Variants in SPTBN2 observed in about 807,000 individuals in gnomAD.
SPTBN2 encodes spectrin beta, non-erythrocytic 2, also known as spectrin beta chain, non-erythrocytic 2.
A neutral mutation model predicts 284.2 loss-of-function variants in SPTBN2; 107 were observed. The observed-to-expected ratio is 0.38, with a 90% CI of 0.32 to 0.44. The LOEUF is 0.44. SPTBN2 is among the 20% of genes least tolerant of loss of function. The pLI is 1.00. For missense variants in SPTBN2, 2,569 were observed against 3,287.1 expected, an observed-to-expected ratio of 0.78 and a Z score of 5.34; for synonymous variants, 1,289 against 1,354.8, an observed-to-expected ratio of 0.95 and a Z score of 1.07.
chr11:66,690,385 C>G (rs1452761975), intron 27 of SPTBN2, 102 bp from the exon 28 acceptor site: 1 of 1,432,890 alleles, frequency 7.0e-7, no homozygotes, highest in Non-Finnish European at 9.2e-7. Context: ...TGTCTCACAG[C>G]CAAAGAAGCA....
Position 66,683,205 on chromosome 11 carries a change from C to A in SPTBN2, c.*2666G>T, listed in dbSNP as rs1210096394. Among the ~76,000 whole-genome samples the A allele has an allele frequency of 6.6e-6, 1 of 150,414 alleles. No homozygotes were observed. Among genetic ancestry groups the A allele is most frequent in the African/African-American group, 2.4e-5 (1 of 41,020 alleles). ...GCCTCAGCCTCCCAAGTAGCTGGGA[C>A]TACAGGCGCCCGCCACTACGCCCGG... On this transcript the variant is annotated 3_prime_UTR_variant, in exon 38 of 38. Transcript: ENST00000533211.
intron 1 of SPTBN2, among the ~76,000 whole-genome samples, chr11:66,741,205 G>A (rs577775684): frequency 9.9e-5 from 15 of 152,266 alleles, no homozygotes; most frequent in South Asian, 4.1e-4. Flanking sequence ...GGGACCAGGC[G>A]GAGATAATTC....
intron 21 of SPTBN2, among the ~76,000 whole-genome samples, chr11:66,695,398 G>A (rs1196268812): frequency 6.6e-6 from 1 of 152,124 alleles, no homozygotes. Flanking sequence ...TGGGACTACA[G>A]GCACACACCA....
At chr11:66,688,992 G>C (rs976582012) in intron 30 of SPTBN2, 104 bp downstream of exon 30, 3 of 1,458,146 alleles carry the variant, frequency 2.1e-6, no homozygotes, top group Non-Finnish European at 2.8e-6. Context: ...ATTGGGCATC[G>C]TGAGTTTCAC....
At chr11:66,698,015 T>C (rs1171746041) in intron 20 of SPTBN2, among the ~76,000 whole-genome samples, 1 of 152,202 alleles carries the variant, frequency 6.6e-6, no homozygotes, top group Non-Finnish European at 1.5e-5. Context: ...ACGTACCATG[T>C]TCTGTAGGGA....
rs1046622521 is a variant in SPTBN2, at chr11:66,715,424, G to A, written c.310-29C>T. ...TGGAGGGACGGGGGCAAAATGGCAC[G>A]GGACTGTGGGCTTCCACCTTCTTCC... On this transcript the variant is annotated intron_variant, in intron 4 of 37. Transcript: ENST00000533211. The surrounding 1 kb of genome is among the most constrained non-coding windows in gnomAD (Gnocchi z 5.3). 8 of 1,592,412 alleles carry A rather than the reference G, an allele frequency of 5.0e-6. No homozygotes were observed. The Admixed American group carries it at 5.1e-5, about 10-fold the overall frequency.
intron 8 of SPTBN2, among the ~76,000 whole-genome samples, chr11:66,711,903 G>C (rs1014582542): frequency 6.6e-6 from 1 of 152,230 alleles, no homozygotes; most frequent in South Asian, 2.1e-4. Context: ...AAAAGGCCCA[G>C]GTGATAGGGC....
At position 66,718,786 on chromosome 11, in the gene SPTBN2, G is replaced by A. The variant is rs370405859; in HGVS notation, c.157+2298C>T. Among the ~76,000 whole-genome samples the A allele has an allele frequency of 6.6e-4, 101 of 152,344 alleles. 1 individual carries two copies. In the South Asian group the frequency reaches 0.019, roughly 29 times the overall value. ...GGCAAAAAGAGTTACGGGGTGTCCC[G>A]AACTCCTGAGACAGAGAGTGGGGGC... On this transcript the variant is annotated intron_variant, in intron 3 of 37. Coordinates refer to ENST00000533211, the MANE Select transcript of SPTBN2 (RefSeq NM_006946.4). The surrounding 1 kb of genome is among the most constrained non-coding windows in gnomAD (Gnocchi z 4.8).
upstream of SPTBN2, among the ~76,000 whole-genome samples, chr11:66,731,163 G>A (rs182907264): frequency 6.6e-6 from 1 of 152,268 alleles, no homozygotes; most frequent in Admixed American, 6.5e-5. Flanking sequence ...CACTTAATCA[G>A]TATCAGCCGT....
intron 36 of SPTBN2, chr11:66,686,668 G>A (rs1458484878): frequency 1.1e-5 from 7 of 639,884 alleles, no homozygotes; most frequent in Non-Finnish European, 1.9e-5. Context: ...CCCCAGCCCG[G>A]GCCTCCTGCT....
intron 18 of SPTBN2, 54 bp downstream of exon 18, chr11:66,699,352 T>C: frequency 6.2e-7 from 1 of 1,600,214 alleles, no homozygotes; most frequent in Non-Finnish European, 8.5e-7. Context: ...GAGGTCACCC[T>C]GTTTCTCCGA....
chr11:66,702,287 T>C (rs1235464709), intron 15 of SPTBN2, among the ~76,000 whole-genome samples: 1 of 152,176 alleles, frequency 6.6e-6, no homozygotes, highest in Non-Finnish European at 1.5e-5. Flanking sequence ...TGCCTCCGCT[T>C]CCCGAATAGC....
Position 66,693,106 on chromosome 11 carries a change from G to A in SPTBN2, c.4855-6C>T, listed in dbSNP as rs781282101. 1.2e-6 allele frequency: 2 copies of A among 1,614,208 alleles called. No individual in the cohort carries two copies. The highest frequency in any genetic ancestry group is 1.7e-6 in the Non-Finnish European group (2 of 1,180,052). On this transcript the variant is annotated splice_polypyrimidine_tract_variant and splice_region_variant and intron_variant, in intron 24 of 37. Transcript: ENST00000533211. The surrounding 1 kb of genome is among the most constrained non-coding windows in gnomAD (Gnocchi z 5.7). Reference sequence around the variant, plus strand: ...GCCTGGGCACTCAGCTCATCCTGGGGGAAGGGACAGTGGCATCCAGCATCA... The same window carrying A: ...GCCTGGGCACTCAGCTCATCCTGGGAGAAGGGACAGTGGCATCCAGCATCA...
intron 14 of SPTBN2, 31 bp downstream of exon 14, chr11:66,705,653 T>A: frequency 6.2e-7 from 1 of 1,608,586 alleles, no homozygotes; most frequent in South Asian, 1.1e-5. Flanking sequence ...TCCCAGCCCC[T>A]CCCTCTCCAG....
Position 66,693,537 on chromosome 11 carries a change from C to T in SPTBN2, c.4594-91G>A. 1 of 1,533,842 alleles carries T rather than the reference C, an allele frequency of 6.5e-7. No individual in the cohort carries two copies. The highest frequency in any genetic ancestry group is 8.7e-7 in the Non-Finnish European group (1 of 1,144,364). On this transcript the variant is annotated intron_variant, in intron 23 of 37. Coordinates refer to ENST00000533211, the MANE Select transcript of SPTBN2 (RefSeq NM_006946.4). The surrounding 1 kb of genome is among the most constrained non-coding windows in gnomAD (Gnocchi z 5.7). ...CACCCTTCACCCCTGTGCCTCTCTCCTTCCTGGGTCCTCTGCTCCCTCTCC... is the reference window on the plus strand; with the variant it reads ...CACCCTTCACCCCTGTGCCTCTCTCTTTCCTGGGTCCTCTGCTCCCTCTCC...
At position 66,687,485 on chromosome 11, in the gene SPTBN2, C is replaced by T. The variant is rs377245594; in HGVS notation, c.6664G>A (p.Glu2222Lys). ...GPEPSAQEQM[E>K]GMLCRKQEME... The stretch of plus-strand genomic sequence containing the variant: ...TCCTGCTTGCGGCACAGCATCCCCT[C>T]CATCTGCTCCTGGGCAGATGGCTCT... The change falls in exon 35 of 38, where the codon GAG becomes AAG. Residue 2222 changes from glutamate (E) to lysine (K), a missense_variant. Glu to Lys is a moderately conservative substitution (Grantham distance 56). This residue lies in a region of SPTBN2 where 1,130 missense variants were observed against 1,317.3 expected (regional missense o/e 0.86). Transcript: ENST00000533211. This position sits in a 1 kb window ranked among gnomAD's most constrained non-coding sequence, Gnocchi z 5.2. 1 of 1,611,170 alleles carries T rather than the reference C, an allele frequency of 6.2e-7. No homozygotes were observed. The highest frequency in any genetic ancestry group is 8.5e-7 in the Non-Finnish European group (1 of 1,180,002).
In SPTBN2 at chr11:66,718,991, G is replaced by C. The variant is rs1349154216; in HGVS notation, c.157+2093C>G. ...ATCAGGCCCCAAGTTACCTAACAAT[G>C]CACAGGACCCACGAGAGGGGCCCCC... On this transcript the variant is annotated intron_variant, in intron 3 of 37. Coordinates refer to ENST00000533211, the MANE Select transcript of SPTBN2 (RefSeq NM_006946.4). This position sits in a 1 kb window ranked among gnomAD's most constrained non-coding sequence, Gnocchi z 4.8. Among the ~76,000 whole-genome samples, 1 of 152,206 alleles carries C rather than the reference G, an allele frequency of 6.6e-6. No homozygotes were observed. The highest frequency in any genetic ancestry group is 6.5e-5 in the Admixed American group (1 of 15,292).
Position 66,715,682 on chromosome 11 carries a change from A to C in SPTBN2, c.309+148T>G. ...TGCTCCTATGTAATCTAAGTGGCAA[A>C]GGCACTTGAAATGAACCCATCCTCT... On this transcript the variant is annotated intron_variant, in intron 4 of 37. Transcript: ENST00000533211. This position sits in a 1 kb window ranked among gnomAD's most constrained non-coding sequence, Gnocchi z 5.3. 1 of 1,158,896 alleles carries C rather than the reference A, an allele frequency of 8.6e-7. No individual in the cohort carries two copies. Among genetic ancestry groups the C allele is most frequent in the South Asian group, 1.3e-5 (1 of 75,446 alleles). The allele number at this position is 1,158,896 out of a possible 1,614,324, so 71.8% of individuals were successfully genotyped here. A position where few individuals can be genotyped will look rare whatever the true frequency, so the allele number is the denominator to read the frequency against.
intron 1 of SPTBN2, 141 bp from the exon 2 acceptor site, chr11:66,721,581 G>C (rs1436653914): frequency 7.4e-6 from 3 of 405,250 alleles, no homozygotes; most frequent in Non-Finnish European, 1.4e-5. Flanking sequence ...AGGGGTGATG[G>C]GCTTCAGTGC....
Sources: allele counts gnomAD v4.1 joint callset (sites outside exome capture counted in the v4.1 genomes callset), GRCh38; gene constraint gnomAD v4.1.1; regional missense constraint gnomAD v4.1.1; non-coding constraint Gnocchi (gnomAD v3.1); transcripts MANE v1.5; gene names NCBI Gene and HGNC (gene_info 2026-07-23, HGNC 2026-07-21).